The following TOPBP1 variants were observed in gnomAD, a reference collection of about 807,000 sequenced individuals.
TOPBP1 encodes the protein DNA topoisomerase 2-binding protein 1.
In TOPBP1, 28 loss-of-function variants were observed where a neutral mutation model predicts 167.7. The observed-to-expected ratio is 0.17, with a 90% confidence interval of 0.12 to 0.23. The LOEUF is 0.23. TOPBP1 is among the 10% of genes least tolerant of loss of function. TOPBP1 has a pLI of 1.00. For missense variants in TOPBP1, 1,554 were observed against 1,809.6 expected, an observed-to-expected ratio of 0.86 and a Z score of 2.56; for synonymous variants, 598 against 611.4, an observed-to-expected ratio of 0.98 and a Z score of 0.32.
intron 3 of TOPBP1, 143 bp from the exon 4 acceptor site, chr3:133,658,084 T>C (rs1389638815): frequency 5.0e-6 from 3 of 600,054 alleles, no homozygotes; most frequent in Non-Finnish European, 8.1e-6. Flanking sequence ...AAGAAAAAAA[T>C]AAAGATGACT....
At chr3:133,618,062 TG>T in intron 21 of TOPBP1, 150 bp downstream of exon 21, 1 of 630,136 alleles carries the variant, frequency 1.6e-6, no homozygotes, top group Non-Finnish European at 2.7e-6. Flanking sequence ...ATTATTTTTC[TG>T]GCTCAAGTTT....
intron 24 of TOPBP1, among the ~76,000 whole-genome samples, chr3:133,611,731 A>C (rs1934689499): frequency 1.3e-5 from 2 of 152,214 alleles, no homozygotes; most frequent in Non-Finnish European, 2.9e-5. Flanking sequence ...TTTTATGAGC[A>C]GTCAGCAAAT....
chr3:133,602,114 G>A (rs1432641524), intron 27 of TOPBP1, among the ~76,000 whole-genome samples: 6 of 152,014 alleles, frequency 3.9e-5, no homozygotes, highest in Non-Finnish European at 7.4e-5. Flanking sequence ...TTCTTTTTTA[G>A]GGGGAGATAA....
chr3:133,657,939 A>G lies in TOPBP1; in HGVS notation c.222T>C (p.Leu74=). The change falls in exon 4 of 28, where the codon CTT becomes CTC. Residue 74 remains leucine, a splice_region_variant and synonymous_variant. Coordinates refer to ENST00000260810, the MANE Select transcript of TOPBP1 (RefSeq NM_007027.4). ...SGVVFDHLKK[L]GCRIVGPQVV... The stretch of plus-strand genomic sequence containing the variant: ...CTTGAGGACCAACAATTCTGCAGCC[A>G]AGCTACAAAAAAGAGAAAAGTTTAA... 1 of 1,547,832 alleles carries G rather than the reference A, an allele frequency of 6.5e-7. No individual in the cohort carries two copies. The highest frequency in any genetic ancestry group is 8.7e-7 in the Non-Finnish European group (1 of 1,155,404).
At position 133,602,257 on chromosome 3, in the gene TOPBP1, T is replaced by C. The variant is rs371447828; in HGVS notation, c.4426-864A>G. On this transcript the variant is annotated intron_variant, in intron 27 of 27. Coordinates refer to ENST00000260810, the MANE Select transcript of TOPBP1 (RefSeq NM_007027.4). Reference sequence around the variant, plus strand: ...GGCCAGCAGACAGTGAAGTCTTTAATAGAAGAAAAAAACCTGTCAATCTAT... The same window carrying C: ...GGCCAGCAGACAGTGAAGTCTTTAACAGAAGAAAAAAACCTGTCAATCTAT... 1.2e-3 allele frequency among the ~76,000 whole-genome samples: 177 copies of C among 152,280 alleles called. 3 individuals carry two copies. The South Asian group carries it at 0.035, about 30-fold the overall frequency.
Position 133,616,882 on chromosome 3 carries a change from T to C in TOPBP1, c.3803A>G (p.Tyr1268Cys). ...EETHEELKKQ[Y>C]IFQLSSLNPQ... ...ATTCAGAGATGATAACTGAAATATG[T>C]ACTGTTTTTTTAATTCTTCATGAGT... is the stretch of plus-strand genomic sequence containing the variant. The change falls in exon 23 of 28, where the codon TAC (tyrosine) becomes TGC (cysteine). Residue 1268 changes from tyrosine (Y) to cysteine (C), a missense_variant. By Grantham distance (194) the Tyr-to-Cys change is radical (BLOSUM62 -2). Around this residue, in one of 3 missense-constraint regions of TOPBP1, gnomAD observed 351 missense variants for 432.9 expected, o/e 0.81. Transcript: ENST00000260810. 1 of 1,553,164 alleles carries C rather than the reference T, an allele frequency of 6.4e-7. No individual in the cohort carries two copies. Among genetic ancestry groups the C allele is most frequent in the Non-Finnish European group, 8.7e-7 (1 of 1,152,130 alleles).
At chr3:133,630,032 C>T (rs967329946) in intron 14 of TOPBP1, among the ~76,000 whole-genome samples, 4 of 152,118 alleles carry the variant, frequency 2.6e-5, no homozygotes, top group Non-Finnish European at 5.9e-5. Context: ...ATCATCCAAC[C>T]GCCTTTGACT....
chr3:133,603,044 C>A (rs1025298640), intron 27 of TOPBP1, among the ~76,000 whole-genome samples: 1 of 151,738 alleles, frequency 6.6e-6, no homozygotes, highest in Non-Finnish European at 1.5e-5. Context: ...TACAGGTGTG[C>A]GCCACGACAC....
At chr3:133,639,380 A>G (rs1044715657) in intron 13 of TOPBP1, among the ~76,000 whole-genome samples, 2 of 152,122 alleles carry the variant, frequency 1.3e-5, no homozygotes, top group South Asian at 4.1e-4. Context: ...CAAACACCGC[A>G]TGTTCTCACT....
intron 14 of TOPBP1, among the ~76,000 whole-genome samples, chr3:133,633,544 A>G (rs981171394): frequency 6.6e-6 from 1 of 152,140 alleles, no homozygotes; most frequent in Middle Eastern, 3.2e-3. Context: ...TAACCCCAAC[A>G]CTTTGGGAGG....
chr3:133,643,918 G>C (rs1935985350), intron 11 of TOPBP1, 102 bp downstream of exon 11: 1 of 1,197,666 alleles, frequency 8.3e-7, no homozygotes, highest in East Asian at 2.5e-5. Context: ...TCAAGTCCAA[G>C]CATTGATTTA....
At chr3:133,618,619 T>C (rs1934976375) in intron 20 of TOPBP1, among the ~76,000 whole-genome samples, 186 bp from the exon 21 acceptor site, 1 of 152,144 alleles carries the variant, frequency 6.6e-6, no homozygotes, top group South Asian at 2.1e-4. Context: ...GTTTAAGGTT[T>C]CTTCCAGAAA....
At chr3:133,654,058 T>C (rs1163196191) in intron 6 of TOPBP1, among the ~76,000 whole-genome samples, 1 of 152,234 alleles carries the variant, frequency 6.6e-6, no homozygotes, top group East Asian at 1.9e-4. Flanking sequence ...TTTCTATGTG[T>C]AGTATAAATA....
intron 22 of TOPBP1, 30 bp downstream of exon 22, chr3:133,617,130 G>A (rs368573291): frequency 5.1e-5 from 80 of 1,570,338 alleles, no homozygotes; most frequent in Non-Finnish European, 6.5e-5. Context: ...GTATGCAAAA[G>A]CTGTATCACC....
chr3:133,660,722 C>G (rs1009544793), intron 2 of TOPBP1, among the ~76,000 whole-genome samples: 1 of 152,006 alleles, frequency 6.6e-6, no homozygotes, highest in African/African-American at 2.4e-5. Context: ...CAAGTATGAC[C>G]AGTACACAAC....
intron 27 of TOPBP1, among the ~76,000 whole-genome samples, chr3:133,604,047 A>T (rs563474757): frequency 7.8e-4 from 119 of 151,970 alleles, no homozygotes; most frequent in Non-Finnish European, 1.3e-3. Flanking sequence ...ATCCTCTTAT[A>T]TTTAGGAACT....
At position 133,643,281 on chromosome 3, in the gene TOPBP1, T is replaced by C; in HGVS notation, c.1940A>G (p.Glu647Gly). 1 of 1,613,028 alleles carries C rather than the reference T, an allele frequency of 6.2e-7. No homozygotes were observed. Among genetic ancestry groups the C allele is most frequent in the East Asian group, 2.2e-5 (1 of 44,808 alleles). Residue 647 changes from glutamate (E) to glycine (G), a missense_variant, in exon 12 of 28, where the codon GAG becomes GGG. By Grantham distance (98) the Glu-to-Gly change is moderately conservative. Transcript: ENST00000260810. Reference sequence around the variant, plus strand: ...CTGGCTAAATGAAATAACACAATCCTCTAAAGGAGTCATTCCTGTCATTAC... The same window carrying C: ...CTGGCTAAATGAAATAACACAATCCCCTAAAGGAGTCATTCCTGTCATTAC... ...VPVMTGMTPL[E>G]DCVISFSQCA...
intron 16 of TOPBP1, among the ~76,000 whole-genome samples, chr3:133,627,345 C>T (rs892512211): frequency 1.3e-5 from 2 of 152,072 alleles, no homozygotes; most frequent in Admixed American, 6.6e-5. Context: ...ACACACACCC[C>T]TTGTAGGGCT....
chr3:133,601,372 T>C lies in TOPBP1; in HGVS notation c.4447A>G (p.Asn1483Asp). Residue 1483 changes from asparagine (N) to aspartate (D), a missense_variant, in exon 28 of 28, where the codon AAT (asparagine) becomes GAT (aspartate). By Grantham distance (23) the Asn-to-Asp change is conservative. This residue lies in a region of TOPBP1 where 351 missense variants were observed against 432.9 expected (regional missense o/e 0.81). Coordinates refer to ENST00000260810, the MANE Select transcript of TOPBP1 (RefSeq NM_007027.4). ...LMQESPPHVE[N>D]YCLPEAISFI... ...GAAATAGCTTCTGGTAGACAGTAAT[T>C]TTCTACATGAGGAGGTGATTCCTAT... The C allele has an allele frequency of 1.9e-6, 3 of 1,552,286 alleles. No homozygotes were observed. Among genetic ancestry groups the C allele is most frequent in the Non-Finnish European group, 2.6e-6 (3 of 1,149,776 alleles).
Sources: gnomAD v4.1 joint callset for allele counts (sites outside exome capture counted in the v4.1 genomes callset) on GRCh38, gnomAD v4.1.1 for gene constraint, gnomAD v4.1.1 regional missense constraint, MANE v1.5 for transcripts, NCBI Gene and HGNC (gene_info 2026-07-23, HGNC 2026-07-21) for gene names.